The following FRYL variants were observed in gnomAD, a reference collection of about 807,000 sequenced individuals.
FRYL encodes FRY like transcription coactivator.
A neutral mutation model predicts 351.2 loss-of-function variants in FRYL; 150 were observed. The observed-to-expected ratio is 0.43, with a 90% CI of 0.37 to 0.49. FRYL has a LOEUF of 0.49. Among genes scored for constraint, FRYL ranks in the 20% least tolerant of loss-of-function variants. The pLI is 0.00. For synonymous variants in FRYL, 1,153 were observed against 1,257.1 expected (o/e 0.92, Z 1.75); for missense variants, 3,036 against 3,619.3 (o/e 0.84, Z 4.13).
At chr4:48,651,280 A>T (rs1757619035) in intron 3 of FRYL, among the ~76,000 whole-genome samples, 2 of 114,046 alleles carry the variant, frequency 1.8e-5, no homozygotes, top group South Asian at 3.1e-4. Context: ...ACAGGATCTC[A>T]GGATCTCACT....
intron 3 of FRYL, among the ~76,000 whole-genome samples, chr4:48,649,199 G>A (rs1366932907): frequency 1.3e-5 from 2 of 152,030 alleles, no homozygotes; most frequent in Admixed American, 1.3e-4. Context: ...TTAGATGAAT[G>A]TATAATGTGC....
chr4:48,712,499 G>C (rs1352279870), intron 1 of FRYL, among the ~76,000 whole-genome samples: 1 of 152,152 alleles, frequency 6.6e-6, no homozygotes, highest in Non-Finnish European at 1.5e-5. Context: ...GAAATGAAGC[G>C]AGAAGGGAAG....
At chr4:48,710,986 C>A (rs1767931638) in intron 1 of FRYL, among the ~76,000 whole-genome samples, 1 of 152,038 alleles carries the variant, frequency 6.6e-6, no homozygotes, top group Non-Finnish European at 1.5e-5. Context: ...TGTGGTATAC[C>A]CACAATGGAA....
At chr4:48,780,025 C>T (rs1776506009) in intron 1 of FRYL, 53 bp downstream of exon 1, 1 of 152,150 alleles carries the variant, frequency 6.6e-6, no homozygotes. Flanking sequence ...GGCGCCTGCC[C>T]CGGGGCTGGA....
chr4:48,586,656 A>G lies in FRYL; in HGVS notation c.1713T>C (p.Gly571=), dbSNP rs757803363. ...ATTCAATCAGGTCAGTTCTGCTCAT[A>G]CCGTCAGGAATCAACCTTGGAATCG... The part of the protein sequence containing the change: ...IAAIPRLIPD[G]MSRTDLIELL... Residue 571 remains glycine, a synonymous_variant, in exon 19 of 64, where the codon GGT becomes GGC. Coordinates refer to ENST00000358350, the MANE Select transcript of FRYL (RefSeq NM_015030.2). 40 of 1,612,302 alleles carry G rather than the reference A, an allele frequency of 2.5e-5. No individual in the cohort carries two copies. The Middle Eastern group carries it at 4.9e-4, about 20-fold the overall frequency.
At chr4:48,631,339 C>A (rs1364618230) in intron 4 of FRYL, among the ~76,000 whole-genome samples, 1 of 151,908 alleles carries the variant, frequency 6.6e-6, no homozygotes, top group Non-Finnish European at 1.5e-5. Flanking sequence ...ATAGCAGATG[C>A]CTCTAAAATT....
chr4:48,585,128 G>C (rs1741818932), intron 19 of FRYL, among the ~76,000 whole-genome samples: 1 of 152,138 alleles, frequency 6.6e-6, no homozygotes, highest in Non-Finnish European at 1.5e-5. Flanking sequence ...GTTGAAATAG[G>C]AGGAGTAAGA....
At chr4:48,606,697 C>CCT in intron 9 of FRYL, 91 bp from the exon 10 acceptor site, 1 of 958,052 alleles carries the variant, frequency 1.0e-6, no homozygotes, top group Non-Finnish European at 1.5e-6. Context: ...GGTATGCTAC[C>CCT]TAAATATCAT....
At chr4:48,556,790 GT>G (rs1386367894) in intron 35 of FRYL, among the ~76,000 whole-genome samples, 187 bp downstream of exon 35, 38 of 152,012 alleles carry the variant, frequency 2.5e-4, no homozygotes, top group Admixed American at 2.5e-3. Flanking sequence ...CACCTGGCCT[GT>G]CATAATGATA....
rs1466416251 is a variant in FRYL, at chr4:48,605,751, G to A, written c.824C>T (p.Pro275Leu). Residue 275 changes from proline (P) to leucine (L), a missense_variant, in exon 11 of 64, where the codon CCT becomes CTT. Coordinates refer to ENST00000358350, the MANE Select transcript of FRYL (RefSeq NM_015030.2). ...LAGLFVEILI[P>L]VAAAVKNEVN... ...AAGAAAAATACTTACAGCAGCTACA[G>A]GGATAAGAATCTCCACAAATAAACC... 1 of 1,595,450 alleles carries A rather than the reference G, an allele frequency of 6.3e-7. No homozygotes were observed. Among genetic ancestry groups the A allele is most frequent in the Non-Finnish European group, 8.6e-7 (1 of 1,164,394 alleles).
At chr4:48,631,837 G>GA (rs1385909940) in intron 4 of FRYL, among the ~76,000 whole-genome samples, 3 of 151,262 alleles carry the variant, frequency 2.0e-5, no homozygotes, top group Middle Eastern at 6.8e-3. Context: ...CAAGGCAGGT[G>GA]AATCACTTGA....
intron 1 of FRYL, among the ~76,000 whole-genome samples, chr4:48,716,147 C>T (rs1371772275): frequency 8.5e-5 from 13 of 152,132 alleles, no homozygotes; most frequent in East Asian, 3.9e-4. Flanking sequence ...AAGACTTAAA[C>T]GTTAGACCTA....
rs752255645 is a variant in FRYL, at chr4:48,700,815, T to TA, written c.-204+9703dup. ...AGACCCTGACTCAAAAAAATTAAATTAAAAAAAAAAAAAAACTTTCATCAC... is the reference window on the plus strand; with the variant it reads ...AGACCCTGACTCAAAAAAATTAAATTAAAAAAAAAAAAAAAACTTTCATCAC... On this transcript the variant is annotated intron_variant, in intron 2 of 63. Coordinates refer to ENST00000358350, the MANE Select transcript of FRYL (RefSeq NM_015030.2). Among the ~76,000 whole-genome samples, 499 of 136,180 alleles carry TA rather than the reference T, an allele frequency of 3.7e-3. 1 individual carries two copies. Among genetic ancestry groups the TA allele is most frequent in the Admixed American group, 3.9e-3 (53 of 13,522 alleles). The allele number at this position is 136,180 out of a possible 152,430, so 89.3% of individuals were successfully genotyped here. A position where few individuals can be genotyped will look rare whatever the true frequency, so the allele number is the denominator to read the frequency against.
chr4:48,624,881 G>A (rs1381328973), intron 4 of FRYL, among the ~76,000 whole-genome samples: 1 of 152,196 alleles, frequency 6.6e-6, no homozygotes, highest in Non-Finnish European at 1.5e-5. Flanking sequence ...ATAAGTAAGA[G>A]GGAACTCCTC....
At chr4:48,552,487 G>A (rs1733094828) in intron 36 of FRYL, among the ~76,000 whole-genome samples, 1 of 151,998 alleles carries the variant, frequency 6.6e-6, no homozygotes, top group South Asian at 2.1e-4. Flanking sequence ...TCTAGAATTG[G>A]TAGGCTTTTG....
intron 41 of FRYL, chr4:48,546,677 T>C: frequency 5.2e-6 from 1 of 191,036 alleles, no homozygotes; most frequent in East Asian, 1.2e-4. Flanking sequence ...GAAAGGCTCA[T>C]CTATCTGAAA....
At chr4:48,595,838 G>T (rs1744478720) in intron 14 of FRYL, 59 bp downstream of exon 14, 1 of 1,193,442 alleles carries the variant, frequency 8.4e-7, no homozygotes. Flanking sequence ...ATTCCCAATA[G>T]TGTGTTTTTT....
At chr4:48,555,995 A>G (rs1472293453) in intron 35 of FRYL, among the ~76,000 whole-genome samples, 2 of 152,152 alleles carry the variant, frequency 1.3e-5, no homozygotes, top group Non-Finnish European at 2.9e-5. Flanking sequence ...CCTGGGCTCA[A>G]GCAATTCTCC....
intron 55 of FRYL, among the ~76,000 whole-genome samples, chr4:48,517,901 C>T (rs995955644): frequency 2.0e-5 from 3 of 152,090 alleles, no homozygotes; most frequent in Non-Finnish European, 2.9e-5. Context: ...AAGAAGTTGC[C>T]TTAAAAATAA....
Sources: gnomAD v4.1 joint callset for allele counts (sites outside exome capture counted in the v4.1 genomes callset) on GRCh38, gnomAD v4.1.1 for gene constraint, MANE v1.5 for transcripts, NCBI Gene and HGNC (gene_info 2026-07-23, HGNC 2026-07-21) for gene names.